ROCK1: variants seen among roughly 807,000 people sequenced by gnomAD.
The protein encoded by ROCK1 is Rho associated coiled-coil containing protein kinase 1.
ROCK1 carries 36 observed loss-of-function variants against 196.8 expected under a neutral mutation model. That is an observed-to-expected ratio of 0.18 (90% confidence interval 0.14 to 0.24). The LOEUF (loss-of-function observed/expected upper bound fraction) is 0.24. Among genes scored for constraint, ROCK1 ranks in the 10% least tolerant of loss-of-function variants. The probability of loss-of-function intolerance (pLI) is 1.00; values close to 1 mark genes in which losing one functional copy is unlikely to be tolerated. For missense variants in ROCK1, 920 were observed against 1,562.0 expected, an observed-to-expected ratio of 0.59 and a Z score of 6.93; for synonymous variants, 443 against 515.9, an observed-to-expected ratio of 0.86 and a Z score of 1.91.
At chr18:21,054,625 TCA>T (rs1436406203) in intron 2 of ROCK1, among the ~76,000 whole-genome samples, 1 of 152,188 alleles carries the variant, frequency 6.6e-6, no homozygotes, top group Admixed American at 6.5e-5. Context: ...CTACTGACTC[TCA>T]GAGGTCACCA....
At chr18:21,077,375 G>A (rs2036442355) in intron 1 of ROCK1, among the ~76,000 whole-genome samples, 1 of 152,112 alleles carries the variant, frequency 6.6e-6, no homozygotes, top group Non-Finnish European at 1.5e-5. Context: ...TACTGTGTAT[G>A]TTCATTCTAT....
chr18:21,104,586 C>A (rs1251986095), intron 1 of ROCK1, among the ~76,000 whole-genome samples: 2 of 152,092 alleles, frequency 1.3e-5, no homozygotes, highest in African/African-American at 4.8e-5. Flanking sequence ...GGAAAAAAAA[C>A]ATTTCTGACT....
intron 2 of ROCK1, among the ~76,000 whole-genome samples, chr18:21,061,690 A>G (rs1352733184): frequency 6.6e-6 from 1 of 152,224 alleles, no homozygotes; most frequent in Non-Finnish European, 1.5e-5. Context: ...TAACAAGATG[A>G]CATGCCCTCA....
intron 1 of ROCK1, among the ~76,000 whole-genome samples, chr18:21,094,885 A>G (rs904629346): frequency 1.3e-5 from 2 of 151,936 alleles, no homozygotes; most frequent in African/African-American, 4.8e-5. Flanking sequence ...CATCTCTACT[A>G]AAAACACCAA....
intron 12 of ROCK1, among the ~76,000 whole-genome samples, chr18:21,018,599 T>A (rs2035885589): frequency 6.6e-6 from 1 of 152,150 alleles, no homozygotes. Flanking sequence ...TACCCAGTTC[T>A]TCCCCTTATT....
intron 4 of ROCK1, among the ~76,000 whole-genome samples, chr18:21,047,727 G>A (rs1395236021): frequency 6.6e-6 from 1 of 151,848 alleles, no homozygotes; most frequent in East Asian, 1.9e-4. Context: ...TCAGGGGGCA[G>A]AGCTTGCTTG....
intron 2 of ROCK1, among the ~76,000 whole-genome samples, chr18:21,052,753 G>T (rs2036214271): frequency 6.6e-6 from 1 of 151,972 alleles, no homozygotes; most frequent in African/African-American, 2.4e-5. Flanking sequence ...AATGCCTGAT[G>T]ATCTGAGGTG....
At chr18:21,077,258 C>A (rs2036441252) in intron 1 of ROCK1, among the ~76,000 whole-genome samples, 1 of 152,150 alleles carries the variant, frequency 6.6e-6, no homozygotes, top group Admixed American at 6.5e-5. Flanking sequence ...CAGGCGTGAG[C>A]CACCGCGCCC....
Position 21,028,870 on chromosome 18 carries a change from C to A in ROCK1, c.1117G>T (p.Glu373Ter). 1 of 1,612,634 alleles carries A rather than the reference C, an allele frequency of 6.2e-7. No individual in the cohort carries two copies. Among genetic ancestry groups the A allele is most frequent in the Non-Finnish European group, 8.5e-7 (1 of 1,179,494 alleles). The change falls in exon 10 of 33, where the codon GAA (glutamate) becomes TAA (stop). Residue 373 changes from glutamate to a stop codon, truncating the protein, a stop_gained. Transcript: ENST00000399799. LOFTEE classifies it high-confidence loss of function. ...AATGTTTCTTCCTCTCCTTTATCTT[C>A]TTCCAAGTCATCAAAATTACTAGTA... ...IDTSNFDDLEEDKGEEETFPI... is the reference protein window; with the variant it reads ...IDTSNFDDLE
At chr18:20,987,188 C>T in intron 18 of ROCK1, 78 bp from the exon 19 acceptor site, 1 of 1,339,782 alleles carries the variant, frequency 7.5e-7, no homozygotes, top group South Asian at 1.3e-5. Flanking sequence ...GGGCTGTAAA[C>T]TGGTTTCAAA....
intron 1 of ROCK1, among the ~76,000 whole-genome samples, chr18:21,081,725 C>A (rs2036484135): frequency 6.6e-6 from 1 of 152,092 alleles, no homozygotes; most frequent in Non-Finnish European, 1.5e-5. Flanking sequence ...ATATTATGAA[C>A]ATCTGCACAC....
chr18:20,986,943 T>C lies in ROCK1; in HGVS notation c.2304+7A>G, dbSNP rs779028998. On this transcript the variant is annotated splice_region_variant and intron_variant, in intron 19 of 32. Coordinates refer to ENST00000399799, the MANE Select transcript of ROCK1 (RefSeq NM_005406.3). Reference sequence around the variant, plus strand: ...TAGATGAACAAAGTCAGTACTATTTTTCTTACTTCATCCTCCATCCTTTCT... The same window carrying C: ...TAGATGAACAAAGTCAGTACTATTTCTCTTACTTCATCCTCCATCCTTTCT... The C allele has an allele frequency of 3.8e-6, 6 of 1,585,622 alleles. No homozygotes were observed. In the Admixed American group the frequency reaches 1.2e-4, roughly 31 times the overall value.
intron 1 of ROCK1, among the ~76,000 whole-genome samples, chr18:21,085,109 G>C (rs2036515264): frequency 6.6e-6 from 1 of 152,152 alleles, no homozygotes; most frequent in Non-Finnish European, 1.5e-5. Flanking sequence ...GGGAATAAAA[G>C]AGTTACTGTT....
chr18:20,958,122 T>C (rs1293435371), intron 29 of ROCK1, among the ~76,000 whole-genome samples: 1 of 152,226 alleles, frequency 6.6e-6, no homozygotes, highest in Non-Finnish European at 1.5e-5. Context: ...CTAAAAAGTA[T>C]TTAACTTAGT....
rs186638882 is a variant in ROCK1 at position 20,956,471 on chromosome 18, G to A, written c.3513-1226C>T. 3.9e-5 allele frequency among the ~76,000 whole-genome samples: 6 copies of A among 152,260 alleles called. No individual in the cohort carries two copies. In the East Asian group the frequency reaches 1.2e-3, roughly 29 times the overall value. ...CAGATGCAGAACCCATGGATACAGA[G>A]GGCTGACTGTGTGTAGAAAAGCTCT... is the stretch of plus-strand genomic sequence containing the variant. On this transcript the variant is annotated intron_variant, in intron 29 of 32. Coordinates refer to ENST00000399799, the MANE Select transcript of ROCK1 (RefSeq NM_005406.3).
chr18:21,086,757 C>T (rs954264428), intron 1 of ROCK1, among the ~76,000 whole-genome samples: 1 of 145,304 alleles, frequency 6.9e-6, no homozygotes, highest in African/African-American at 2.6e-5. Context: ...ATTCTACATC[C>T]ACTGAAAAAA....
intron 1 of ROCK1, among the ~76,000 whole-genome samples, chr18:21,099,999 G>A (rs1343899797): frequency 2.0e-5 from 3 of 152,048 alleles, no homozygotes; most frequent in Non-Finnish European, 1.5e-5. Context: ...TGGTGCCACT[G>A]CACTCCAGTC....
chr18:20,971,341 C>T (rs28401685), intron 22 of ROCK1, among the ~76,000 whole-genome samples: 934 of 19,830 alleles, frequency 0.047, 9 homozygotes, highest in African/African-American at 0.077. Flanking sequence ...CACACACACA[C>T]ACATACACAC....
intron 29 of ROCK1, among the ~76,000 whole-genome samples, chr18:20,957,503 T>TG (rs2035255026): frequency 6.6e-6 from 1 of 151,798 alleles, no homozygotes; most frequent in Non-Finnish European, 1.5e-5. Context: ...TTTTTTGAGA[T>TG]GGAGTCTCGC....
Sources: gnomAD v4.1 joint callset for allele counts (sites outside exome capture counted in the v4.1 genomes callset) on GRCh38, gnomAD v4.1.1 for gene constraint, MANE v1.5 for transcripts, NCBI Gene and HGNC (gene_info 2026-07-23, HGNC 2026-07-21) for gene names.